Variants in VWA3B observed in about 807,000 individuals in gnomAD.
VWA3B encodes the protein von Willebrand factor A domain-containing protein 3B.
In VWA3B, 138 loss-of-function variants were observed where a neutral mutation model predicts 158.3. The observed-to-expected ratio is 0.87, with a 90% CI of 0.76 to 1.00. The LOEUF (loss-of-function observed/expected upper bound fraction) is 1.00, where lower values mean the gene tolerates loss of function less well. Among genes scored for constraint, VWA3B ranks in the 50% least tolerant of loss-of-function variants. VWA3B has a pLI of 0.00. For synonymous variants in VWA3B, 596 were observed against 587.3 expected, an observed-to-expected ratio of 1.01 and a Z score of -0.21; for missense variants, 1,555 against 1,565.1, an observed-to-expected ratio of 0.99 and a Z score of 0.11.
chr2:98,314,259 A>G (rs1435597366), downstream of VWA3B, among the ~76,000 whole-genome samples: 1 of 152,200 alleles, frequency 6.6e-6, no homozygotes, highest in Non-Finnish European at 1.5e-5. Context: ...AGCTACAGAG[A>G]GAAAGCTCGC....
intron 11 of VWA3B, among the ~76,000 whole-genome samples, chr2:98,193,543 T>C (rs1681771588): frequency 6.6e-6 from 1 of 152,168 alleles, no homozygotes; most frequent in South Asian, 2.1e-4. Flanking sequence ...GTAGTATTGA[T>C]GTATTATTAA....
intron 7 of VWA3B, among the ~76,000 whole-genome samples, chr2:98,137,626 GTTA>G (rs1179164604): frequency 1.3e-5 from 2 of 151,920 alleles, no homozygotes; most frequent in Non-Finnish European, 2.9e-5. Context: ...TTGTTTCTAG[GTTA>G]TTAAGTTTAA....
intron 14 of VWA3B, 25 bp downstream of exon 14, chr2:98,218,053 GGA>G: frequency 6.3e-7 from 1 of 1,577,646 alleles, no homozygotes; most frequent in Non-Finnish European, 8.6e-7. Flanking sequence ...GGCTAAGAAG[GGA>G]GTGTTCATTT....
intron 7 of VWA3B, among the ~76,000 whole-genome samples, chr2:98,151,759 G>T (rs1056979537): frequency 6.6e-6 from 1 of 152,142 alleles, no homozygotes; most frequent in African/African-American, 2.4e-5. Flanking sequence ...TATAAAAATC[G>T]GAATAATAAC....
intron 8 of VWA3B, 73 bp from the exon 9 acceptor site, chr2:98,180,943 G>T: frequency 6.9e-7 from 1 of 1,447,376 alleles, no homozygotes; most frequent in Middle Eastern, 1.8e-4. Context: ...TTCCAAGTTG[G>T]TCAATATTAA....
chr2:98,170,534 A>G (rs1679495205), intron 8 of VWA3B, among the ~76,000 whole-genome samples: 1 of 152,034 alleles, frequency 6.6e-6, no homozygotes, highest in African/African-American at 2.4e-5. Context: ...TTTCATTAGT[A>G]TTGTATTAAA....
chr2:98,142,168 A>G (rs768277088), intron 7 of VWA3B, among the ~76,000 whole-genome samples: 13 of 152,056 alleles, frequency 8.5e-5, no homozygotes, highest in Non-Finnish European at 1.5e-4. Flanking sequence ...AAATCACACC[A>G]TAAATACCCC....
chr2:98,251,024 G>A (rs561920789), intron 20 of VWA3B, among the ~76,000 whole-genome samples: 71 of 152,172 alleles, frequency 4.7e-4, no homozygotes, highest in Non-Finnish European at 7.6e-4. Context: ...CTTGAGCTCA[G>A]GAGTTGGAGG....
intron 7 of VWA3B, among the ~76,000 whole-genome samples, chr2:98,154,609 A>C (rs914777052): frequency 3.3e-5 from 5 of 152,102 alleles, no homozygotes; most frequent in Admixed American, 3.3e-4. Flanking sequence ...CCCTCTTGAC[A>C]CTGGGCAGGG....
chr2:98,217,065 T>A, intron 13 of VWA3B: 1 of 1,068,452 alleles, frequency 9.4e-7, no homozygotes, highest in South Asian at 1.5e-5. Context: ...GCTGGGGAGC[T>A]GGGCAGAGGG....
At chr2:98,235,900 A>G (rs1184129439) in intron 17 of VWA3B, among the ~76,000 whole-genome samples, 3 of 152,226 alleles carry the variant, frequency 2.0e-5, no homozygotes, top group Non-Finnish European at 4.4e-5. Context: ...ACACATTTAT[A>G]TAAGGATATA....
At chr2:98,228,423 G>A (rs1685093426) in intron 15 of VWA3B, 91 bp downstream of exon 15, 1 of 1,431,534 alleles carries the variant, frequency 7.0e-7, no homozygotes, top group South Asian at 1.6e-5. Flanking sequence ...GAAATGCTCT[G>A]TGAAATTTCT....
chr2:98,230,068 T>C lies in VWA3B; in HGVS notation c.2169T>C (p.Cys723=). Residue 723 remains cysteine, a synonymous_variant, in exon 16 of 28, where the codon TGT becomes TGC. Coordinates refer to ENST00000477737, the MANE Select transcript of VWA3B (RefSeq NM_144992.5). ...AAAACAGGCATCAAAAGGAAATCTG[T>C]TCTATGATTTCAACCCCAGAAAAGT... ...DGDSKHQKEI[C]SMISTPEKCA... 1.3e-6 allele frequency: 2 copies of C among 1,584,432 alleles called. No homozygotes were observed. The highest frequency in any genetic ancestry group is 1.7e-6 in the Non-Finnish European group (2 of 1,172,574).
intron 19 of VWA3B, among the ~76,000 whole-genome samples, chr2:98,245,129 CT>C (rs1277243107): frequency 2.0e-5 from 3 of 152,062 alleles, no homozygotes; most frequent in African/African-American, 7.3e-5. Flanking sequence ...TTAAGCCTCC[CT>C]TAAATCAAAT....
intron 7 of VWA3B, among the ~76,000 whole-genome samples, chr2:98,159,211 G>A (rs759543716): frequency 1.6e-4 from 25 of 152,140 alleles, no homozygotes; most frequent in Admixed American, 3.3e-4. Flanking sequence ...AGGTATGTTA[G>A]CATTTTAACA....
chr2:98,194,804 T>TTGTAC (rs1284955278), intron 12 of VWA3B, among the ~76,000 whole-genome samples: 1 of 152,274 alleles, frequency 6.6e-6, no homozygotes, highest in East Asian at 1.9e-4. Flanking sequence ...TACTCAGACA[T>TTGTAC]TCAGATTTTT....
the VWA3B span, among the ~76,000 whole-genome samples, chr2:98,325,073 C>T: frequency 1.3e-5 from 2 of 151,892 alleles, no homozygotes; most frequent in East Asian, 3.9e-4. Context: ...CTTTGTAATC[C>T]GAGTTTTAAG....
chr2:98,314,660 T>C (rs1269005874), downstream of VWA3B, among the ~76,000 whole-genome samples: 2 of 152,146 alleles, frequency 1.3e-5, no homozygotes, highest in Non-Finnish European at 2.9e-5. Context: ...CAATTTACAA[T>C]GTCTGACATC....
At chr2:98,090,342 T>C (rs1682190006) in intron 1 of VWA3B, among the ~76,000 whole-genome samples, 1 of 152,210 alleles carries the variant, frequency 6.6e-6, no homozygotes, top group Admixed American at 6.5e-5. Flanking sequence ...GGGATGAAAG[T>C]GGGTCTCATG....
Sources: gnomAD v4.1 joint callset for allele counts (sites outside exome capture counted in the v4.1 genomes callset) on GRCh38, gnomAD v4.1.1 for gene constraint, MANE v1.5 for transcripts, NCBI Gene and HGNC (gene_info 2026-07-23, HGNC 2026-07-21) for gene names.